EYS: variants seen among roughly 807,000 people sequenced by gnomAD.
The protein encoded by EYS is protein eyes shut homolog.
In EYS, 250 loss-of-function variants were observed where a neutral mutation model predicts 282.1. The observed-to-expected ratio is 0.89, with a 90% CI of 0.80 to 0.98. The LOEUF is 0.98. Among genes scored for constraint, EYS ranks in the 50% least tolerant of loss-of-function variants. The pLI, the probability that EYS is intolerant of heterozygous loss-of-function variation, is 0.00. For missense variants in EYS, 4,016 were observed against 3,709.0 expected (o/e 1.08, Z -2.15); for synonymous variants, 1,355 against 1,282.9 (o/e 1.06, Z -1.20).
chr6:64,962,049 T>TATC (rs1283339261), intron 14 of EYS, among the ~76,000 whole-genome samples: 1 of 152,180 alleles, frequency 6.6e-6, no homozygotes, highest in Non-Finnish European at 1.5e-5. Flanking sequence ...AGAAATTTTC[T>TATC]ATCTCCAAAA....
intron 22 of EYS, among the ~76,000 whole-genome samples, chr6:64,760,130 C>T (rs1773110935): frequency 6.6e-6 from 1 of 152,154 alleles, no homozygotes; most frequent in Non-Finnish European, 1.5e-5. Context: ...TAATTTGATG[C>T]AGGCCACAGT....
At chr6:64,341,292 A>G (rs1220793311) in intron 29 of EYS, among the ~76,000 whole-genome samples, 2 of 151,758 alleles carry the variant, frequency 1.3e-5, no homozygotes, top group African/African-American at 4.8e-5. Flanking sequence ...TTAAATCAAT[A>G]TGAGTGCCCA....
At chr6:65,528,415 G>T (rs577006135) in intron 2 of EYS, among the ~76,000 whole-genome samples, 1 of 152,332 alleles carries the variant, frequency 6.6e-6, no homozygotes, top group East Asian at 1.9e-4. Context: ...ACTATGGTTT[G>T]AATGTCTGTT....
chr6:64,544,538 T>C (rs1371882980), intron 26 of EYS, among the ~76,000 whole-genome samples: 1 of 152,064 alleles, frequency 6.6e-6, no homozygotes, highest in African/African-American at 2.4e-5. Context: ...GGAGGACATG[T>C]AGTCACTTTA....
chr6:64,938,914 A>T (rs913495950), intron 15 of EYS, among the ~76,000 whole-genome samples: 2 of 151,734 alleles, frequency 1.3e-5, no homozygotes, highest in African/African-American at 4.8e-5. Context: ...GGGGTCTTGG[A>T]ACATATCTCC....
intron 19 of EYS, among the ~76,000 whole-genome samples, chr6:64,842,445 C>T (rs1192573708): frequency 6.6e-6 from 1 of 151,590 alleles, no homozygotes; most frequent in Non-Finnish European, 1.5e-5. Flanking sequence ...GAAAAGATAC[C>T]CAAAATTGTG....
At chr6:65,448,447 ATT>A (rs1355030820) in intron 5 of EYS, among the ~76,000 whole-genome samples, 1 of 151,930 alleles carries the variant, frequency 6.6e-6, no homozygotes, top group African/African-American at 2.4e-5. Context: ...ATTAAAATTC[ATT>A]GAGATTGCAG....
At chr6:64,825,930 T>C (rs1765043508) in intron 19 of EYS, among the ~76,000 whole-genome samples, 1 of 151,680 alleles carries the variant, frequency 6.6e-6, no homozygotes, top group African/African-American at 2.4e-5. Context: ...TATAAATACA[T>C]ATGCTCCCTG....
chr6:64,760,662 G>A (rs1460689323), intron 22 of EYS, among the ~76,000 whole-genome samples: 1 of 152,192 alleles, frequency 6.6e-6, no homozygotes, highest in Non-Finnish European at 1.5e-5. Context: ...TGTTGTGCAG[G>A]ACAGTCCTGA....
chr6:64,457,479 T>G (rs1227692619), intron 26 of EYS, among the ~76,000 whole-genome samples: 1 of 152,066 alleles, frequency 6.6e-6, no homozygotes, highest in Non-Finnish European at 1.5e-5. Context: ...TGCCTACTAT[T>G]ATCATATTGC....
intron 11 of EYS, among the ~76,000 whole-genome samples, chr6:65,328,770 T>C (rs1423882974): frequency 6.6e-6 from 1 of 151,178 alleles, no homozygotes; most frequent in Non-Finnish European, 1.5e-5. Context: ...TTTATGTTTT[T>C]AATGAAAAAA....
chr6:65,419,959 C>A (rs892561327), intron 5 of EYS, among the ~76,000 whole-genome samples: 2 of 151,966 alleles, frequency 1.3e-5, no homozygotes, highest in Non-Finnish European at 2.9e-5. Context: ...AATGTACATG[C>A]CTTAATTTGC....
intron 26 of EYS, among the ~76,000 whole-genome samples, chr6:64,579,863 T>C (rs1183849688): frequency 6.6e-6 from 1 of 152,098 alleles, no homozygotes; most frequent in African/African-American, 2.4e-5. Flanking sequence ...TATGATCTCT[T>C]ACCTTTACAT....
chr6:63,990,505 G>A (rs1767557081), intron 34 of EYS, among the ~76,000 whole-genome samples: 1 of 151,666 alleles, frequency 6.6e-6, no homozygotes, highest in Non-Finnish European at 1.5e-5. Flanking sequence ...AGACTCTTTG[G>A]GGAGCTGTTT....
chr6:65,685,986 C>A (rs562318899), intron 1 of EYS, among the ~76,000 whole-genome samples: 1 of 151,966 alleles, frequency 6.6e-6, no homozygotes, highest in African/African-American at 2.4e-5. Context: ...CTTATTCCCC[C>A]ATCTACTGGA....
chr6:64,627,031 T>C (rs886506940), intron 22 of EYS, among the ~76,000 whole-genome samples: 2 of 152,168 alleles, frequency 1.3e-5, no homozygotes, highest in Non-Finnish European at 2.9e-5. Flanking sequence ...GACGCTTTAA[T>C]AAAAACCATT....
intron 13 of EYS, among the ~76,000 whole-genome samples, chr6:65,021,397 A>T (rs1379390995): frequency 2.6e-5 from 4 of 152,204 alleles, no homozygotes; most frequent in Non-Finnish European, 5.9e-5. Context: ...TCTAGTTCCC[A>T]ACAAGTTCCT....
intron 12 of EYS, among the ~76,000 whole-genome samples, chr6:65,125,608 C>A (rs551939741): frequency 2.0e-5 from 3 of 152,094 alleles, no homozygotes; most frequent in African/African-American, 7.2e-5. Flanking sequence ...AAGAATCCGA[C>A]CAAAATTTTT....
chr6:64,533,439 C>T (rs1764417147), intron 26 of EYS, among the ~76,000 whole-genome samples: 1 of 151,782 alleles, frequency 6.6e-6, no homozygotes, highest in African/African-American at 2.4e-5. Context: ...CAAAGAAAAC[C>T]AGAAAAAATA....
Sources: gnomAD v4.1 joint callset for allele counts (sites outside exome capture counted in the v4.1 genomes callset) on GRCh38, gnomAD v4.1.1 for gene constraint, MANE v1.5 for transcripts, NCBI Gene and HGNC (gene_info 2026-07-23, HGNC 2026-07-21) for gene names.